Variants in RBL1 observed in about 807,000 individuals in gnomAD.
The protein encoded by RBL1 is RB transcriptional corepressor like 1.
Under a neutral mutation model 123.0 loss-of-function variants are expected in RBL1, and 82 were observed. The observed-to-expected ratio is 0.67, with a 90% CI of 0.56 to 0.80. The LOEUF is 0.80. Ranked by LOEUF, RBL1 falls within the 30% of genes least tolerant of loss-of-function variation. The pLI is 0.00. For missense variants in RBL1, 1,171 were observed against 1,299.6 expected (o/e 0.90, Z 1.52); for synonymous variants, 405 against 441.3 (o/e 0.92, Z 1.03).
rs576229548 is a variant in RBL1 at position 37,001,219 on chromosome 20, G to C, written c.3037-2290C>G. Among the ~76,000 whole-genome samples the C allele has an allele frequency of 8.0e-3, 1,207 of 151,776 alleles. 20 individuals are homozygous for C. Among genetic ancestry groups the C allele is most frequent in the East Asian group, 0.067 (346 of 5,138 alleles). ...TGCCCGGCCGCCCCTACTGGGAAGT[G>C]AGGAGCCCCTCTGCCCGGCCACCAC... On this transcript the variant is annotated intron_variant, in intron 21 of 21. Coordinates refer to ENST00000373664, the MANE Select transcript of RBL1 (RefSeq NM_002895.5).
chr20:37,093,190 A>G (rs1306190081), intron 1 of RBL1, among the ~76,000 whole-genome samples: 1 of 152,186 alleles, frequency 6.6e-6, no homozygotes, highest in Non-Finnish European at 1.5e-5. Context: ...CAGGTAGACT[A>G]GAGAGGGGTA....
chr20:37,012,389 G>T (rs1231208577), intron 19 of RBL1, among the ~76,000 whole-genome samples: 5 of 150,730 alleles, frequency 3.3e-5, no homozygotes, highest in Non-Finnish European at 7.4e-5. Context: ...GAGCATCTCT[G>T]CCCGGCCGCC....
chr20:37,061,166 C>T lies in RBL1; in HGVS notation c.1187G>A (p.Arg396Gln), dbSNP rs376895729. 52 of 1,613,732 alleles carry T rather than the reference C, an allele frequency of 3.2e-5. No homozygotes were observed. Among genetic ancestry groups the T allele is most frequent in the Admixed American group, 2.0e-4 (12 of 59,978 alleles). Residue 396 changes from arginine to glutamine, a missense_variant, in exon 9 of 22, where the codon CGG becomes CAG. Coordinates refer to ENST00000373664, the MANE Select transcript of RBL1 (RefSeq NM_002895.5). Reference sequence around the variant, plus strand: ...CAGACCAGCCACAATACTCTGTAACCGGCTCACACTTTGGGTGGCTGATGC... The same window carrying T: ...CAGACCAGCCACAATACTCTGTAACTGGCTCACACTTTGGGTGGCTGATGC... ...PVASATQSVS[R>Q]LQSIVAGLKN...
intron 2 of RBL1, chr20:37,081,747 G>A (rs2065453436): frequency 3.5e-6 from 1 of 287,774 alleles, no homozygotes; most frequent in Admixed American, 4.7e-5. Context: ...CAAAGCCTAG[G>A]TAAAATAACC....
At chr20:37,055,759 G>A (rs2064993472) in intron 10 of RBL1, 103 bp from the exon 11 acceptor site, 3 of 1,147,782 alleles carry the variant, frequency 2.6e-6, no homozygotes, top group South Asian at 3.3e-5. Context: ...ATTAAGAATA[G>A]CAGGGCAGGC....
At chr20:37,031,916 T>C (rs902343419) in intron 16 of RBL1, among the ~76,000 whole-genome samples, 1 of 151,094 alleles carries the variant, frequency 6.6e-6, no homozygotes. Context: ...TTTTTTTTTT[T>C]TTTTTTTTTA....
At chr20:37,075,914 T>G (rs2065356363) in intron 2 of RBL1, among the ~76,000 whole-genome samples, 1 of 152,178 alleles carries the variant, frequency 6.6e-6, no homozygotes, top group South Asian at 2.1e-4. Context: ...TGATACTTTG[T>G]GTGAAGGTGT....
In RBL1 at chr20:37,040,119, T is replaced by C. The variant is rs199775554; in HGVS notation, c.1903+34A>G. On this transcript the variant is annotated intron_variant, in intron 14 of 21. Coordinates refer to ENST00000373664, the MANE Select transcript of RBL1 (RefSeq NM_002895.5). ...TGAAAAAAAGCCAAATGCCCTTTGT[T>C]ACTTTTTCATTCCTTTACCAATGTT... 122 of 1,605,204 alleles carry C rather than the reference T, an allele frequency of 7.6e-5. No homozygotes were observed. In the East Asian group the frequency reaches 2.3e-3, roughly 30 times the overall value.
intron 7 of RBL1, among the ~76,000 whole-genome samples, chr20:37,064,873 G>A (rs917883168): frequency 1.3e-5 from 2 of 151,286 alleles, no homozygotes; most frequent in African/African-American, 4.9e-5. Context: ...TGATCGGCCC[G>A]CCTTGGCCTC....
intron 21 of RBL1, among the ~76,000 whole-genome samples, chr20:36,999,905 G>A (rs2063938653): frequency 3.3e-5 from 5 of 152,186 alleles, no homozygotes; most frequent in South Asian, 2.1e-4. Context: ...GACTCTGCCC[G>A]GCCGCCACCC....
intron 9 of RBL1, 149 bp downstream of exon 9, chr20:37,060,954 G>A (rs2065084259): frequency 1.1e-6 from 1 of 891,460 alleles, no homozygotes; most frequent in African/African-American, 1.7e-5. Context: ...TATGGTTTTA[G>A]GTCAATATAT....
intron 10 of RBL1, 60 bp downstream of exon 10, chr20:37,056,086 C>T: frequency 6.5e-7 from 1 of 1,530,598 alleles, no homozygotes; most frequent in Non-Finnish European, 8.7e-7. Flanking sequence ...CCGTGAATTT[C>T]TAATTTTGGG....
At chr20:37,006,716 T>C (rs1379820457) in intron 20 of RBL1, among the ~76,000 whole-genome samples, 2 of 148,692 alleles carry the variant, frequency 1.3e-5, no homozygotes. Flanking sequence ...GACACACTCC[T>C]GTAATCCTAG....
chr20:37,094,532 T>C (rs912563887), intron 1 of RBL1, among the ~76,000 whole-genome samples: 1 of 151,816 alleles, frequency 6.6e-6, no homozygotes, highest in African/African-American at 2.4e-5. Flanking sequence ...ACCCTGGGAG[T>C]GGGTCCAGCG....
In RBL1 at chr20:37,005,513, G is replaced by C. The variant is rs183600572; in HGVS notation, c.2872-1647C>G. The stretch of plus-strand genomic sequence containing the variant: ...TGCTCACAACCAAAGCAGTAGCAGA[G>C]AGAATAAAAGAGGCAGAGAATTCTA... On this transcript the variant is annotated intron_variant, in intron 20 of 21. Coordinates refer to ENST00000373664, the MANE Select transcript of RBL1 (RefSeq NM_002895.5). Among the ~76,000 whole-genome samples the C allele has an allele frequency of 8.6e-5, 13 of 151,772 alleles. No individual in the cohort carries two copies. In the East Asian group the frequency reaches 2.3e-3, roughly 27 times the overall value.
intron 1 of RBL1, among the ~76,000 whole-genome samples, 193 bp downstream of exon 1, chr20:37,095,580 C>T (rs1268803225): frequency 1.3e-5 from 2 of 152,118 alleles, no homozygotes; most frequent in Admixed American, 6.5e-5. Flanking sequence ...CTTTCCTGAG[C>T]TTCAGTTTCC....
intron 2 of RBL1, among the ~76,000 whole-genome samples, chr20:37,081,208 C>T (rs540041562): frequency 1.3e-5 from 2 of 152,250 alleles, no homozygotes; most frequent in Admixed American, 6.5e-5. Context: ...TAATATTCCC[C>T]CCTCCATGAG....
At chr20:37,086,448 C>T (rs774954004) in intron 2 of RBL1, among the ~76,000 whole-genome samples, 2 of 151,930 alleles carry the variant, frequency 1.3e-5, no homozygotes, top group Non-Finnish European at 2.9e-5. Context: ...ATTAGCCAGG[C>T]GTGGTGGCGG....
At chr20:37,086,913 C>CAT (rs1384855482) in intron 2 of RBL1, among the ~76,000 whole-genome samples, 1 of 152,354 alleles carries the variant, frequency 6.6e-6, no homozygotes, top group East Asian at 1.9e-4. Context: ...ATGGATAACA[C>CAT]ATGCCATCAT....
Sources: allele counts gnomAD v4.1 joint callset (sites outside exome capture counted in the v4.1 genomes callset), GRCh38; gene constraint gnomAD v4.1.1; transcripts MANE v1.5; gene names NCBI Gene and HGNC (gene_info 2026-07-23, HGNC 2026-07-21).